The following ROR2 variants were observed in gnomAD, a reference collection of about 807,000 sequenced individuals.
ROR2 encodes the protein tyrosine-protein kinase transmembrane receptor ROR2.
In ROR2, 33 loss-of-function variants were observed where a neutral mutation model predicts 74.9. The ratio of observed to expected loss-of-function variants is 0.44; its 90% CI spans 0.33 to 0.59. The LOEUF (loss-of-function observed/expected upper bound fraction) is 0.59. Ranked by LOEUF, ROR2 falls within the 20% of genes least tolerant of loss-of-function variation. The pLI is 0.02. For missense variants in ROR2, 1,216 were observed against 1,313.8 expected (o/e 0.93, Z 1.15); for synonymous variants, 586 against 558.7 (o/e 1.05, Z -0.69).
At chr9:91,897,564 GGGTGGGGGGGTATTCCA>G (rs1471483048) in intron 1 of ROR2, among the ~76,000 whole-genome samples, 2 of 151,758 alleles carry the variant, frequency 1.3e-5, no homozygotes, top group Non-Finnish European at 2.9e-5. Flanking sequence ...ATTTGGAAGT[GGGTGGGGGGGTATTCCA>G]GGTGGGGGGA....
intron 1 of ROR2, among the ~76,000 whole-genome samples, chr9:91,780,799 G>T (rs1826594288): frequency 6.6e-6 from 1 of 152,098 alleles, no homozygotes; most frequent in East Asian, 1.9e-4. Flanking sequence ...TCAAAAAAAA[G>T]ATAAATTTAT....
intron 1 of ROR2, among the ~76,000 whole-genome samples, chr9:91,849,701 T>C (rs1378743523): frequency 6.6e-6 from 1 of 152,224 alleles, no homozygotes; most frequent in Non-Finnish European, 1.5e-5. Flanking sequence ...ACTCCTCTCT[T>C]TGAGTCACAC....
At chr9:91,833,224 G>A (rs1563988579) in intron 1 of ROR2, among the ~76,000 whole-genome samples, 1 of 152,130 alleles carries the variant, frequency 6.6e-6, no homozygotes. Context: ...GGACCCCCAA[G>A]GCTGCTCAGC....
At chr9:91,932,195 C>T (rs1466878475) in intron 1 of ROR2, among the ~76,000 whole-genome samples, 2 of 151,976 alleles carry the variant, frequency 1.3e-5, no homozygotes, top group Non-Finnish European at 2.9e-5. Flanking sequence ...ACCATACACA[C>T]ACAAAAAAAG....
In ROR2 at chr9:91,753,620, C is replaced by T. The variant is rs146003712; in HGVS notation, c.494+2451G>A. Among the ~76,000 whole-genome samples the T allele has an allele frequency of 4.3e-4, 65 of 152,234 alleles. 1 individual carries two copies. Among genetic ancestry groups the T allele is most frequent in the African/African-American group, 1.5e-3 (61 of 41,520 alleles). On this transcript the variant is annotated intron_variant, in intron 4 of 8. Coordinates refer to ENST00000375708, the MANE Select transcript of ROR2 (RefSeq NM_004560.4). ...AGGTCTCAGGGCCAGGGAAGGGAGA[C>T]GCGGTGGCACGAGTGGCTGGGATGA... is the stretch of plus-strand genomic sequence containing the variant.
intron 1 of ROR2, among the ~76,000 whole-genome samples, chr9:91,850,697 C>G (rs1829063952): frequency 6.6e-6 from 1 of 152,198 alleles, no homozygotes; most frequent in Admixed American, 6.5e-5. Context: ...GTGTATTGGT[C>G]ACAGCAGCCA....
intron 8 of ROR2, 80 bp from the exon 9 acceptor site, chr9:91,725,187 G>A: frequency 6.2e-7 from 1 of 1,601,690 alleles, no homozygotes; most frequent in Non-Finnish European, 8.5e-7. Context: ...CGGGAGGAGT[G>A]GAGTCCCTGT....
At chr9:91,739,176 A>G (rs1370779303) in intron 4 of ROR2, among the ~76,000 whole-genome samples, 2 of 152,194 alleles carry the variant, frequency 1.3e-5, no homozygotes, top group Non-Finnish European at 1.5e-5. Flanking sequence ...TTCTACATCC[A>G]TTTAGAGTAG....
intron 1 of ROR2, among the ~76,000 whole-genome samples, chr9:91,837,691 G>A (rs750647931): frequency 2.0e-5 from 3 of 152,130 alleles, no homozygotes; most frequent in Non-Finnish European, 4.4e-5. Context: ...TGTTTAACGT[G>A]TTTTAAAAGG....
chr9:91,917,332 C>T (rs1263289284), intron 1 of ROR2, among the ~76,000 whole-genome samples: 1 of 152,094 alleles, frequency 6.6e-6, no homozygotes. Context: ...CAGACACGTG[C>T]GAGAAGAAGA....
chr9:91,834,671 A>G (rs1828562176), intron 1 of ROR2, among the ~76,000 whole-genome samples: 1 of 152,110 alleles, frequency 6.6e-6, no homozygotes, highest in Admixed American at 6.5e-5. Flanking sequence ...AACATGAAAA[A>G]CCTAAGTGGA....
chr9:91,789,899 A>T (rs938523815), intron 1 of ROR2, among the ~76,000 whole-genome samples: 2 of 151,996 alleles, frequency 1.3e-5, no homozygotes, highest in African/African-American at 2.4e-5. Flanking sequence ...GAATGGATTT[A>T]AAAAAAACAC....
intron 1 of ROR2, among the ~76,000 whole-genome samples, chr9:91,828,247 T>C (rs566177383): frequency 3.1e-4 from 47 of 152,382 alleles, no homozygotes; most frequent in African/African-American, 1.1e-3. Flanking sequence ...ATATTTTTGA[T>C]GGTACAGTGG....
intron 1 of ROR2, among the ~76,000 whole-genome samples, chr9:91,854,802 G>C (rs541110615): frequency 2.0e-5 from 3 of 152,188 alleles, no homozygotes; most frequent in African/African-American, 7.2e-5. Flanking sequence ...TTTGCCTCTC[G>C]TTAGAGGTAA....
At chr9:91,912,142 AATTAG>A (rs146592338) in intron 1 of ROR2, among the ~76,000 whole-genome samples, 10,717 of 152,180 alleles carry the variant, frequency 0.07, 551 homozygotes, top group African/African-American at 0.14. Context: ...GAAAACTGCT[AATTAG>A]AGATTCAAAC....
In ROR2 at chr9:91,804,910, C is replaced by G. The variant is rs138689182; in HGVS notation, c.98-29092G>C. 5.2e-3 allele frequency among the ~76,000 whole-genome samples: 799 copies of G among 152,286 alleles called. 3 individuals are homozygous for G. The highest frequency in any genetic ancestry group is 9.1e-3 in the Non-Finnish European group (622 of 68,020). ...CTGCACACCCACCCCCTAGGAAATT[C>G]CTTTTTCTTTCCTTTGTGATTTAAA... On this transcript the variant is annotated intron_variant, in intron 1 of 8. Coordinates refer to ENST00000375708, the MANE Select transcript of ROR2 (RefSeq NM_004560.4).
chr9:91,829,549 CA>C (rs34687056), intron 1 of ROR2, among the ~76,000 whole-genome samples: 131 of 40,512 alleles, frequency 3.2e-3, no homozygotes, highest in African/African-American at 6.3e-3. Context: ...GACTCCGTCT[CA>C]AAAAAAAAAA....
At chr9:91,794,002 C>T (rs1354502218) in intron 1 of ROR2, among the ~76,000 whole-genome samples, 1 of 152,182 alleles carries the variant, frequency 6.6e-6, no homozygotes. Context: ...AGCCATGTGC[C>T]TATGCACAGT....
At chr9:91,829,257 T>C (rs1353932455) in intron 1 of ROR2, among the ~76,000 whole-genome samples, 1 of 152,122 alleles carries the variant, frequency 6.6e-6, no homozygotes, top group African/African-American at 2.4e-5. Flanking sequence ...AATGCAGACA[T>C]GTTGGCTGGG....
Sources: allele counts gnomAD v4.1 joint callset (sites outside exome capture counted in the v4.1 genomes callset), GRCh38; gene constraint gnomAD v4.1.1; transcripts MANE v1.5; gene names NCBI Gene and HGNC (gene_info 2026-07-23, HGNC 2026-07-21).